Variants in MAGI2 observed in about 807,000 individuals in gnomAD.
MAGI2 encodes membrane associated guanylate kinase, WW and PDZ domain containing 2.
A neutral mutation model predicts 133.3 loss-of-function variants in MAGI2; 35 were observed. The ratio of observed to expected loss-of-function variants is 0.26; its 90% CI spans 0.20 to 0.35. The LOEUF (loss-of-function observed/expected upper bound fraction) is 0.35. Ranked by LOEUF, MAGI2 falls within the 10% of genes least tolerant of loss-of-function variation. The pLI is 1.00. For synonymous variants in MAGI2, 729 were observed against 710.6 expected (o/e 1.03, Z -0.41); for missense variants, 1,636 against 1,863.4 (o/e 0.88, Z 2.25).
At chr7:78,037,073 C>T (rs933546414) in intron 21 of MAGI2, among the ~76,000 whole-genome samples, 4 of 152,052 alleles carry the variant, frequency 2.6e-5, no homozygotes, top group Non-Finnish European at 5.9e-5. Context: ...ACCTGGATAA[C>T]CCCCCTGTGC....
chr7:79,239,629 T>G (rs1585295895), intron 1 of MAGI2, among the ~76,000 whole-genome samples: 1 of 152,050 alleles, frequency 6.6e-6, no homozygotes, highest in South Asian at 2.1e-4. Flanking sequence ...GAAATGGACT[T>G]GGCACTCAGA....
chr7:78,399,650 C>T (rs1260993789), intron 6 of MAGI2, among the ~76,000 whole-genome samples: 2 of 151,800 alleles, frequency 1.3e-5, no homozygotes, highest in African/African-American at 4.8e-5. Flanking sequence ...ACTAAAAATA[C>T]AAAAATTAGC....
chr7:78,578,590 A>T (rs1011987099), intron 3 of MAGI2, among the ~76,000 whole-genome samples: 4 of 152,164 alleles, frequency 2.6e-5, no homozygotes, highest in African/African-American at 9.7e-5. Flanking sequence ...GCTAACTAGA[A>T]TTATGGAGGA....
chr7:78,952,435 A>G (rs993481846), intron 2 of MAGI2, among the ~76,000 whole-genome samples: 2 of 152,230 alleles, frequency 1.3e-5, no homozygotes, highest in Non-Finnish European at 1.5e-5. Flanking sequence ...GTTTTCATCC[A>G]TGTATTTTTT....
intron 1 of MAGI2, among the ~76,000 whole-genome samples, chr7:79,448,866 G>A (rs558024435): frequency 6.6e-6 from 1 of 152,150 alleles, no homozygotes; most frequent in East Asian, 1.9e-4. Flanking sequence ...CAGATAAAAA[G>A]CAAATAATCA....
intron 21 of MAGI2, among the ~76,000 whole-genome samples, chr7:78,022,697 A>G (rs995854451): frequency 6.6e-6 from 1 of 152,212 alleles, no homozygotes; most frequent in Admixed American, 6.5e-5. Flanking sequence ...CTGGCATTGA[A>G]CTGGAGAGTT....
intron 1 of MAGI2, among the ~76,000 whole-genome samples, chr7:79,400,960 G>T (rs1180407153): frequency 1.3e-5 from 2 of 152,070 alleles, no homozygotes; most frequent in Admixed American, 1.3e-4. Flanking sequence ...TTTTAATCAT[G>T]GAGATACACA....
At chr7:78,161,267 A>G (rs1259102369) in intron 15 of MAGI2, among the ~76,000 whole-genome samples, 1 of 152,236 alleles carries the variant, frequency 6.6e-6, no homozygotes, top group Non-Finnish European at 1.5e-5. Context: ...TTTTGAAATG[A>G]AAGTTTATCT....
intron 3 of MAGI2, among the ~76,000 whole-genome samples, chr7:78,545,288 C>T (rs1475651994): frequency 1.4e-5 from 2 of 143,486 alleles, no homozygotes; most frequent in Admixed American, 7.4e-5. Flanking sequence ...TCTCTGCTCA[C>T]TGCAAACTCC....
chr7:78,861,982 A>G (rs1794187320), intron 2 of MAGI2, among the ~76,000 whole-genome samples: 1 of 152,214 alleles, frequency 6.6e-6, no homozygotes, highest in Admixed American at 6.5e-5. Flanking sequence ...TACCAATTAA[A>G]CCAAATGTAC....
At chr7:78,107,516 T>C (rs1818819985) in intron 20 of MAGI2, among the ~76,000 whole-genome samples, 2 of 152,182 alleles carry the variant, frequency 1.3e-5, no homozygotes, top group African/African-American at 4.8e-5. Context: ...CTTCAATTTC[T>C]TTCATCTATG....
chr7:79,223,512 A>G (rs1043019594), intron 1 of MAGI2, among the ~76,000 whole-genome samples: 3 of 151,946 alleles, frequency 2.0e-5, no homozygotes, highest in Admixed American at 1.3e-4. Flanking sequence ...TGAGGAAGAT[A>G]CTACCATCTC....
intron 10 of MAGI2, 65 bp from the exon 11 acceptor site, chr7:78,201,258 G>T: frequency 2.8e-6 from 2 of 710,298 alleles, no homozygotes; most frequent in South Asian, 2.3e-5. Flanking sequence ...TGGGTGGCAC[G>T]ATATTAAGAT....
In MAGI2 at chr7:78,849,455, G is replaced by A. The variant is rs1320139120; in HGVS notation, c.418+157635C>T. ...TAAGCAAATCCACTAAGTAATTCCA[G>A]CAGAGTGAATGCCATGCAGAAGGTA... On this transcript the variant is annotated intron_variant, in intron 2 of 21. Coordinates refer to ENST00000354212, the MANE Select transcript of MAGI2 (RefSeq NM_012301.4). Among the ~76,000 whole-genome samples the A allele has an allele frequency of 4.6e-5, 7 of 152,134 alleles. No homozygotes were observed. In the East Asian group the frequency reaches 1.4e-3, roughly 29 times the overall value.
chr7:78,676,738 T>A (rs1372585743), intron 2 of MAGI2, among the ~76,000 whole-genome samples: 1 of 152,106 alleles, frequency 6.6e-6, no homozygotes, highest in Non-Finnish European at 1.5e-5. Context: ...ATACCTAGTA[T>A]CTTTAAAGAA....
At chr7:79,362,757 C>CAATTAGGAATAGAGGGG (rs1184937482) in intron 1 of MAGI2, among the ~76,000 whole-genome samples, 5 of 151,880 alleles carry the variant, frequency 3.3e-5, no homozygotes, top group Non-Finnish European at 7.4e-5. Context: ...AACTCTCAAC[C>CAATTAGGAATAGAGGGG]AATTAGGAAT....
chr7:78,230,054 T>G (rs1251667050), intron 10 of MAGI2, among the ~76,000 whole-genome samples: 2 of 152,264 alleles, frequency 1.3e-5, no homozygotes. Context: ...TCCTTTTTTT[T>G]GTCCTTATTA....
chr7:78,058,361 C>T (rs1320937297), intron 21 of MAGI2, among the ~76,000 whole-genome samples: 3 of 152,114 alleles, frequency 2.0e-5, no homozygotes, highest in Admixed American at 6.5e-5. Flanking sequence ...CCCACTTTTC[C>T]GTGCCCTTCC....
chr7:78,440,470 C>A (rs7787781), intron 6 of MAGI2, among the ~76,000 whole-genome samples: 5 of 152,018 alleles, frequency 3.3e-5, no homozygotes, highest in Admixed American at 6.6e-5. Context: ...TGAAGAGACA[C>A]CGTGAAGGCA....
Sources: allele counts gnomAD v4.1 joint callset (sites outside exome capture counted in the v4.1 genomes callset), GRCh38; gene constraint gnomAD v4.1.1; transcripts MANE v1.5; gene names NCBI Gene and HGNC (gene_info 2026-07-23, HGNC 2026-07-21).